The following FRK variants were observed in gnomAD, a reference collection of about 807,000 sequenced individuals.
FRK encodes the protein tyrosine-protein kinase FRK.
FRK carries 51 observed loss-of-function variants against 56.4 expected under a neutral mutation model. The observed-to-expected ratio is 0.90, with a 90% CI of 0.72 to 1.14. The LOEUF (loss-of-function observed/expected upper bound fraction) is 1.14, where lower values mean the gene tolerates loss of function less well. Among genes scored for constraint, FRK ranks in the 50% most tolerant of loss-of-function variants. FRK has a pLI of 0.00. For synonymous variants in FRK, 245 were observed against 217.9 expected (o/e 1.12, Z -1.10); for missense variants, 570 against 601.4 (o/e 0.95, Z 0.55).
the FRK span, among the ~76,000 whole-genome samples, chr6:116,084,246 A>G: frequency 6.6e-6 from 1 of 152,226 alleles, no homozygotes; most frequent in Non-Finnish European, 1.5e-5. Flanking sequence ...CTGTTAACCA[A>G]AAGAAGATAA....
intron 6 of FRK, among the ~76,000 whole-genome samples, chr6:115,943,489 CA>C (rs35923228): frequency 0.091 from 5,437 of 59,562 alleles, 166 homozygotes; most frequent in East Asian, 0.26. Flanking sequence ...TGGTCTTGAG[CA>C]AAAAAAAAAA....
At position 115,941,562 on chromosome 6, in the gene FRK, A is replaced by G. The variant is rs1404448061; in HGVS notation, c.*852T>C. ...CAAAGGGTACTTCTTTTTCTTTATT[A>G]ATTACTCAGAAGTCTAGGCCACAGC... On this transcript the variant is annotated 3_prime_UTR_variant, in exon 8 of 8. Transcript: ENST00000606080. The G allele has an allele frequency of 6.6e-6, 1 of 152,146 alleles. No homozygotes were observed. The highest frequency in any genetic ancestry group is 1.5e-5 in the Non-Finnish European group (1 of 68,016). 9.4% of individuals were successfully genotyped at this position (152,146 alleles called of 1,614,324 possible).
chr6:116,075,654 GCT>G, the FRK span, among the ~76,000 whole-genome samples: 5 of 151,966 alleles, frequency 3.3e-5, no homozygotes, highest in African/African-American at 1.2e-4. Context: ...TCAGTCTTTG[GCT>G]CTGTTTTTAA....
At chr6:116,061,087 T>C (rs1432002810), upstream of FRK, among the ~76,000 whole-genome samples, 1 of 152,236 alleles carries the variant, frequency 6.6e-6, no homozygotes, top group Non-Finnish European at 1.5e-5. Context: ...TGTCTTGTTA[T>C]GTTCCCAGCA....
intron 1 of FRK, among the ~76,000 whole-genome samples, chr6:116,049,460 A>G (rs1777108634): frequency 6.6e-6 from 1 of 152,190 alleles, no homozygotes; most frequent in Non-Finnish European, 1.5e-5. Flanking sequence ...TCACTTTCTG[A>G]GATTATAAAT....
chr6:115,985,263 A>G (rs1464760707), intron 2 of FRK, among the ~76,000 whole-genome samples: 1 of 152,120 alleles, frequency 6.6e-6, no homozygotes, highest in Non-Finnish European at 1.5e-5. Context: ...CCACACAAAT[A>G]GCATCACTAA....
Position 115,998,281 on chromosome 6 carries a change from A to G in FRK, c.466+5596T>C, listed in dbSNP as rs1200435778. On this transcript the variant is annotated intron_variant, in intron 2 of 7. Transcript: ENST00000606080. ...GCCTACAAATCTCTCATCCATTCTC[A>G]ACATCAAAGGTAACATCTAACAGAC... 2.0e-5 allele frequency among the ~76,000 whole-genome samples: 3 copies of G among 152,146 alleles called. No homozygotes were observed. In the East Asian group the frequency reaches 5.8e-4, roughly 29 times the overall value.
intron 1 of FRK, among the ~76,000 whole-genome samples, chr6:116,053,812 A>G (rs983037421): frequency 6.6e-5 from 10 of 152,074 alleles, no homozygotes; most frequent in East Asian, 5.8e-4. Context: ...AGTATTATCA[A>G]TGTTGCTACT....
chr6:116,005,312 A>G (rs1775208675), intron 1 of FRK, among the ~76,000 whole-genome samples: 1 of 152,176 alleles, frequency 6.6e-6, no homozygotes, highest in South Asian at 2.1e-4. Context: ...CTCCAGGTCT[A>G]TTAAGGTACT....
intron 1 of FRK, among the ~76,000 whole-genome samples, chr6:116,033,490 G>A (rs2114767927): frequency 6.6e-6 from 1 of 151,986 alleles, no homozygotes; most frequent in African/African-American, 2.4e-5. Context: ...TCTTTATTTT[G>A]TACAAATTTA....
At chr6:115,983,526 C>G (rs1229175330) in intron 2 of FRK, among the ~76,000 whole-genome samples, 1 of 152,190 alleles carries the variant, frequency 6.6e-6, no homozygotes, top group Non-Finnish European at 1.5e-5. Context: ...TACCATGACT[C>G]TATTTTCCTC....
intron 7 of FRK, 51 bp downstream of exon 7, chr6:115,942,969 C>A (rs1772252543): frequency 6.4e-7 from 1 of 1,564,452 alleles, no homozygotes; most frequent in African/African-American, 1.4e-5. Flanking sequence ...AAAATCACAC[C>A]TAAGTAAGTG....
intron 1 of FRK, among the ~76,000 whole-genome samples, chr6:116,024,542 T>G (rs1434160741): frequency 1.3e-5 from 2 of 152,072 alleles, no homozygotes; most frequent in Non-Finnish European, 1.5e-5. Context: ...TGCGATAGTT[T>G]ACTGAGAATG....
At chr6:116,066,418 C>T in the FRK span, among the ~76,000 whole-genome samples, 1 of 150,394 alleles carries the variant, frequency 6.6e-6, no homozygotes, top group African/African-American at 2.4e-5. Flanking sequence ...AATAAACTCC[C>T]CTTTATATAT....
the FRK span, among the ~76,000 whole-genome samples, chr6:116,076,890 A>G: frequency 6.6e-6 from 1 of 152,226 alleles, no homozygotes; most frequent in Non-Finnish European, 1.5e-5. Context: ...AAAGGTGTTT[A>G]CCAGATCAAG....
chr6:116,062,856 A>G (rs764976945), upstream of FRK, among the ~76,000 whole-genome samples: 9 of 152,140 alleles, frequency 5.9e-5, no homozygotes, highest in Non-Finnish European at 1.0e-4. Context: ...CAATCACTGA[A>G]TTCTGCTCAG....
intron 1 of FRK, among the ~76,000 whole-genome samples, chr6:116,021,132 A>C (rs923687430): frequency 3.3e-5 from 5 of 151,960 alleles, no homozygotes; most frequent in African/African-American, 1.2e-4. Flanking sequence ...AAACATTTTA[A>C]AAATATATTG....
At position 115,968,725 on chromosome 6, in the gene FRK, C is replaced by T. The variant is rs143351471; in HGVS notation, c.481G>A (p.Val161Ile). Residue 161 changes from valine to isoleucine, a missense_variant, in exon 3 of 8, where the codon GTT becomes ATT. Val to Ile is a conservative substitution (Grantham distance 29). Coordinates refer to ENST00000606080, the MANE Select transcript of FRK (RefSeq NM_002031.3). The part of the protein sequence containing the change: ...EFSLSVLDGA[V>I]VKHYRIKRLD... Reference sequence around the variant, plus strand: ...CTTTTAATTCTGTAGTGTTTTACAACTGCTCCATCTAAAACTGGAACCCAA... The same window carrying T: ...CTTTTAATTCTGTAGTGTTTTACAATTGCTCCATCTAAAACTGGAACCCAA... The T allele has an allele frequency of 6.5e-5, 105 of 1,612,788 alleles. No homozygotes were observed. In the African/African-American group the frequency reaches 1.4e-3, roughly 21 times the overall value.
rs969688742 is a variant in FRK at position 115,932,117 on chromosome 6, A to G, written c.*10297T>C. 1 of 152,220 alleles carries G rather than the reference A, an allele frequency of 6.6e-6. No homozygotes were observed. Among genetic ancestry groups the G allele is most frequent in the African/African-American group, 2.4e-5 (1 of 41,452 alleles). 9.4% of individuals were successfully genotyped at this position (152,220 alleles called of 1,614,324 possible). On this transcript the variant is annotated 3_prime_UTR_variant, in exon 8 of 8. Coordinates refer to ENST00000606080, the MANE Select transcript of FRK (RefSeq NM_002031.3). ...TTATAACATCTCTGTAGATAGTGTC[A>G]TCTGAATGTAGATTGAAGCTAAACT...
Sources: gnomAD v4.1 joint callset for allele counts (sites outside exome capture counted in the v4.1 genomes callset) on GRCh38, gnomAD v4.1.1 for gene constraint, MANE v1.5 for transcripts, NCBI Gene and HGNC (gene_info 2026-07-23, HGNC 2026-07-21) for gene names.